The following HEATR4 variants were observed in gnomAD, a reference collection of about 807,000 sequenced individuals.
HEATR4 encodes the protein HEAT repeat containing 4, also known as HEAT repeat-containing protein 4.
A neutral mutation model predicts 108.8 loss-of-function variants in HEATR4; 95 were observed. That is an observed-to-expected ratio of 0.87 (90% CI 0.74 to 1.04). HEATR4 has a LOEUF of 1.04. HEATR4 is among the 50% of genes least tolerant of loss of function. The probability of loss-of-function intolerance (pLI) is 0.00; values close to 1 mark genes in which losing one functional copy is unlikely to be tolerated. For missense variants in HEATR4, 1,152 were observed against 1,253.8 expected (o/e 0.92, Z 1.23); for synonymous variants, 443 against 459.4 (o/e 0.96, Z 0.46).
At chr14:73,534,741 C>G (rs139170051) in intron 1 of HEATR4, among the ~76,000 whole-genome samples, 3,813 of 111,220 alleles carry the variant, frequency 0.034, 894 homozygotes, top group African/African-American at 0.11. Context: ...CCTCAAGGCT[C>G]AAGAAACAAC....
chr14:73,492,951 T>C lies in HEATR4; in HGVS notation c.2844+115A>G, dbSNP rs748855069. ...CCTCTAGCCCTAAATTAGTTTCTTGTTGATTGCTGGAAACAAGGCAGTAGT... is the reference window on the plus strand; with the variant it reads ...CCTCTAGCCCTAAATTAGTTTCTTGCTGATTGCTGGAAACAAGGCAGTAGT... On this transcript the variant is annotated intron_variant, in intron 17 of 17. Transcript: ENST00000553558. This position sits in a 1 kb window ranked among gnomAD's most constrained non-coding sequence, Gnocchi z 4.9. 9.9e-6 allele frequency: 16 copies of C among 1,611,404 alleles called. No individual in the cohort carries two copies. Among genetic ancestry groups the C allele is most frequent in the Admixed American group, 3.3e-5 (2 of 59,714 alleles).
At chr14:73,509,793 C>A (rs1887083471) in intron 7 of HEATR4, among the ~76,000 whole-genome samples, 1 of 110,036 alleles carries the variant, frequency 9.1e-6, no homozygotes, top group Non-Finnish European at 1.8e-5. Context: ...TAAAAGCAAC[C>A]AATTTGCCCC....
At chr14:73,612,693 A>T in the HEATR4 span, 2 of 1,405,370 alleles carry the variant, frequency 1.4e-6, no homozygotes, top group African/African-American at 3.0e-5. Context: ...CTGCGCGACG[A>T]AGAGGGCGCG....
In HEATR4 at chr14:73,506,517, G is replaced by A; in HGVS notation, c.1936C>T (p.Arg646Trp). ...VELNSCQWKN[R>W]IVACQAFSRI... ...GAGAAAGCCTGGCAGGCCACAATCCGGTTCTTCCATTGACAGCTGTTCAGC... is the reference window on the plus strand; with the variant it reads ...GAGAAAGCCTGGCAGGCCACAATCCAGTTCTTCCATTGACAGCTGTTCAGC... Residue 646 changes from arginine to tryptophan, a missense_variant, in exon 10 of 18, where the codon CGG becomes TGG. Coordinates refer to ENST00000553558, the MANE Select transcript of HEATR4 (RefSeq NM_001220484.1). 12 of 1,613,736 alleles carry A rather than the reference G, an allele frequency of 7.4e-6. No homozygotes were observed. The highest frequency in any genetic ancestry group is 9.3e-6 in the Non-Finnish European group (11 of 1,180,028).
chr14:73,573,416 C>T, the HEATR4 span: 2 of 1,613,666 alleles, frequency 1.2e-6, no homozygotes, highest in Non-Finnish European at 1.7e-6. Context: ...GGATTGTGGA[C>T]ATGTTCGGAA....
chr14:73,594,731 C>A, the HEATR4 span, among the ~76,000 whole-genome samples: 1 of 152,062 alleles, frequency 6.6e-6, no homozygotes, highest in South Asian at 2.1e-4. Context: ...GACGGAGTCT[C>A]GCTTTGTCAC....
At chr14:73,598,580 GT>G in the HEATR4 span, among the ~76,000 whole-genome samples, 3,151 of 151,384 alleles carry the variant, frequency 0.021, 116 homozygotes, top group African/African-American at 0.072. Context: ...TATGTAAGAA[GT>G]TTGGGACAGG....
At chr14:73,523,619 G>A (rs987437210) in intron 2 of HEATR4, among the ~76,000 whole-genome samples, 2 of 152,194 alleles carry the variant, frequency 1.3e-5, no homozygotes, top group African/African-American at 4.8e-5. Context: ...GTCCTGGCAT[G>A]TAACCTCTGC....
chr14:73,578,070 C>T, the HEATR4 span, among the ~76,000 whole-genome samples: 1 of 151,274 alleles, frequency 6.6e-6, no homozygotes, highest in Non-Finnish European at 1.5e-5. Context: ...AGACTGGTCT[C>T]GAACTCCTGA....
At chr14:73,571,121 C>T in the HEATR4 span, 13 of 152,022 alleles carry the variant, frequency 8.6e-5, 1 homozygote, top group Admixed American at 7.9e-4. Flanking sequence ...CAGCTGCTGC[C>T]CCCTGCAGGG....
chr14:73,614,459 G>C, the HEATR4 span, among the ~76,000 whole-genome samples: 1 of 152,166 alleles, frequency 6.6e-6, no homozygotes, highest in South Asian at 2.1e-4. Flanking sequence ...TACTGACTGG[G>C]CCAGGCGCAG....
rs1425378700 is a variant in HEATR4 at position 73,551,393 on chromosome 14, G to A, written c.-152+7358C>T. ...CGTTGCCTCTCTAAACTGAAAATTC[G>A]CAGTTGGTGCCAGAGGGCCAGAGTG... On this transcript the variant is annotated intron_variant, in intron 1 of 17. Transcript: ENST00000553558. Among the ~76,000 whole-genome samples, 5 of 114,756 alleles carry A rather than the reference G, an allele frequency of 4.4e-5. 1 individual carries two copies. Among genetic ancestry groups the A allele is most frequent in the Non-Finnish European group, 7.6e-5 (4 of 52,676 alleles). 75.3% of individuals were successfully genotyped at this position (114,756 alleles called of 152,430 possible).
intron 17 of HEATR4, among the ~76,000 whole-genome samples, chr14:73,485,464 G>A (rs964771094): frequency 4.7e-5 from 7 of 150,180 alleles, no homozygotes; most frequent in Non-Finnish European, 7.4e-5. Flanking sequence ...GTGCAGTGGC[G>A]CCATCTCAGC....
At chr14:73,548,831 C>G (rs12884634) in intron 1 of HEATR4, among the ~76,000 whole-genome samples, 37,678 of 112,648 alleles carry the variant, frequency 0.33, 14,628 homozygotes, top group Admixed American at 0.48. Context: ...ACTGTGCCAA[C>G]CCAACATGGT....
At chr14:73,632,801 G>GCCATTGCACT in the HEATR4 span, among the ~76,000 whole-genome samples, 30 of 139,644 alleles carry the variant, frequency 2.1e-4, no homozygotes, top group Non-Finnish European at 3.9e-4. Flanking sequence ...CCAAGATCAC[G>GCCATTGCACT]CCATTGCACT....
chr14:73,560,661 CAAA>C (rs11448429), upstream of HEATR4, among the ~76,000 whole-genome samples: 7 of 120,814 alleles, frequency 5.8e-5, no homozygotes, highest in Non-Finnish European at 8.8e-5. Context: ...GACTCCATCT[CAAA>C]AAAAAAAAAA....
chr14:73,596,365 A>G, the HEATR4 span: 1 of 152,094 alleles, frequency 6.6e-6, no homozygotes, highest in Non-Finnish European at 1.5e-5. Flanking sequence ...CAAACATGGT[A>G]CACACCTGTA....
Position 73,504,306 on chromosome 14 carries a change from G to A in HEATR4, c.1987-1293C>T, listed in dbSNP as rs570492702. ...TGCCCAGGCTGGGGCGCAGTGGTGCGATCTCAACTCACTGCAACCTCCACC... is the reference window on the plus strand; with the variant it reads ...TGCCCAGGCTGGGGCGCAGTGGTGCAATCTCAACTCACTGCAACCTCCACC... On this transcript the variant is annotated intron_variant, in intron 10 of 17. Coordinates refer to ENST00000553558, the MANE Select transcript of HEATR4 (RefSeq NM_001220484.1). Among the ~76,000 whole-genome samples the A allele has an allele frequency of 1.7e-3, 264 of 151,440 alleles. 1 individual carries two copies. The highest frequency in any genetic ancestry group is 6.0e-3 in the African/African-American group (249 of 41,250).
the HEATR4 span, chr14:73,613,009 C>G: frequency 1.7e-5 from 16 of 941,066 alleles, no homozygotes; most frequent in Non-Finnish European, 2.4e-5. Flanking sequence ...CGGTGCGCGC[C>G]GCGCTCTTCC....
Sources: allele counts gnomAD v4.1 joint callset (sites outside exome capture counted in the v4.1 genomes callset), GRCh38; gene constraint gnomAD v4.1.1; non-coding constraint Gnocchi (gnomAD v3.1); transcripts MANE v1.5; gene names NCBI Gene and HGNC (gene_info 2026-07-23, HGNC 2026-07-21).